Variants in MMD observed in about 807,000 individuals in gnomAD.
MMD encodes monocyte to macrophage differentiation associated.
In MMD, 22 loss-of-function variants were observed where a neutral mutation model predicts 33.6. The observed-to-expected ratio is 0.66, with a 90% CI of 0.47 to 0.94. MMD has a LOEUF of 0.94. Ranked by LOEUF, MMD falls within the 40% of genes least tolerant of loss-of-function variation. The pLI, the probability that MMD is intolerant of heterozygous loss-of-function variation, is 0.00. For synonymous variants in MMD, 97 were observed against 103.2 expected (o/e 0.94, Z 0.36); for missense variants, 242 against 309.8 (o/e 0.78, Z 1.64).
At chr17:55,407,699 CT>C (rs752522375) in intron 4 of MMD, 46 bp downstream of exon 4, 264 of 1,540,718 alleles carry the variant, frequency 1.7e-4, no homozygotes, top group Non-Finnish European at 2.3e-4. Flanking sequence ...GTGAGGAATT[CT>C]AATCATAAAA....
chr17:55,403,061 A>T (rs1907406715), intron 5 of MMD, among the ~76,000 whole-genome samples: 1 of 152,216 alleles, frequency 6.6e-6, no homozygotes, highest in Non-Finnish European at 1.5e-5. Flanking sequence ...GGGTAATAAA[A>T]AGAGCAATGG....
At chr17:55,407,253 C>T (rs992917241) in intron 4 of MMD, among the ~76,000 whole-genome samples, 1 of 150,640 alleles carries the variant, frequency 6.6e-6, no homozygotes, top group Non-Finnish European at 1.5e-5. Flanking sequence ...CTCTTAAACT[C>T]GGGAGGCAGA....
intron 2 of MMD, among the ~76,000 whole-genome samples, chr17:55,413,509 C>T (rs892283854): frequency 6.6e-6 from 1 of 151,724 alleles, no homozygotes; most frequent in African/African-American, 2.4e-5. Flanking sequence ...AGAAATGCAC[C>T]GAAGTGTTAA....
At chr17:55,409,448 G>A (rs1418497797) in intron 3 of MMD, among the ~76,000 whole-genome samples, 2 of 152,188 alleles carry the variant, frequency 1.3e-5, no homozygotes, top group East Asian at 3.8e-4. Flanking sequence ...TCCAAAATCT[G>A]CCACCGACCT....
At chr17:55,406,777 T>A (rs1025259932) in intron 4 of MMD, among the ~76,000 whole-genome samples, 1 of 152,090 alleles carries the variant, frequency 6.6e-6, no homozygotes, top group Non-Finnish European at 1.5e-5. Context: ...TCCCAGCTAC[T>A]TGGGAGAAAG....
chr17:55,414,714 C>T (rs1907905251), intron 1 of MMD, among the ~76,000 whole-genome samples: 1 of 152,034 alleles, frequency 6.6e-6, no homozygotes, highest in South Asian at 2.1e-4. Flanking sequence ...ATTTATAAAG[C>T]TTTATATAGG....
chr17:55,395,606 C>T (rs1289216341), intron 6 of MMD, among the ~76,000 whole-genome samples: 1 of 152,194 alleles, frequency 6.6e-6, no homozygotes, highest in Non-Finnish European at 1.5e-5. Flanking sequence ...GGATCTAGGG[C>T]CAGCTGTGAG....
intron 5 of MMD, among the ~76,000 whole-genome samples, chr17:55,402,095 AAAAAAAAAAGAAAAG>A (rs1395669853): frequency 6.6e-5 from 10 of 151,732 alleles, no homozygotes; most frequent in Non-Finnish European, 1.3e-4. Context: ...CTCAAAAAAA[AAAAAAAAAAGAAAAG>A]AAAAAAAAAA....
intron 6 of MMD, among the ~76,000 whole-genome samples, chr17:55,396,460 T>C (rs1316910497): frequency 6.6e-6 from 1 of 152,228 alleles, no homozygotes; most frequent in Non-Finnish European, 1.5e-5. Context: ...TGCTCTCTGT[T>C]TTCTATTTGG....
intron 1 of MMD, among the ~76,000 whole-genome samples, chr17:55,419,518 C>T (rs1029902558): frequency 6.6e-6 from 1 of 152,206 alleles, no homozygotes; most frequent in African/African-American, 2.4e-5. Flanking sequence ...GACAGTGTGT[C>T]TCTCCCTCCA....
intron 2 of MMD, among the ~76,000 whole-genome samples, chr17:55,413,489 A>G (rs1907844423): frequency 2.0e-5 from 3 of 152,240 alleles, no homozygotes; most frequent in Non-Finnish European, 4.4e-5. Context: ...ACACACAAAC[A>G]CACACACAAA....
chr17:55,400,971 C>T (rs372857100), intron 6 of MMD, among the ~76,000 whole-genome samples: 3 of 152,004 alleles, frequency 2.0e-5, no homozygotes, highest in East Asian at 3.9e-4. Flanking sequence ...AAAAAAAGTG[C>T]TTGACTTACG....
chr17:55,415,544 C>T (rs944648994), intron 1 of MMD, among the ~76,000 whole-genome samples: 11 of 152,158 alleles, frequency 7.2e-5, no homozygotes, highest in Non-Finnish European at 1.2e-4. Context: ...TTGGCTAAAA[C>T]GCATGACCAA....
chr17:55,403,288 G>T lies in MMD; in HGVS notation c.446+479C>A, dbSNP rs145118820. Among the ~76,000 whole-genome samples the T allele has an allele frequency of 2.0e-5, 3 of 152,182 alleles. No individual in the cohort carries two copies. The South Asian group carries it at 6.2e-4, about 32-fold the overall frequency. On this transcript the variant is annotated intron_variant, in intron 5 of 6. Coordinates refer to ENST00000262065, the MANE Select transcript of MMD (RefSeq NM_012329.3). Reference sequence around the variant, plus strand: ...TAACTGGCTAAAAAGCTGTGCCCTAGGGATAGGATATTAAGAGTTCCAATG... The same window carrying T: ...TAACTGGCTAAAAAGCTGTGCCCTATGGATAGGATATTAAGAGTTCCAATG...
intron 2 of MMD, among the ~76,000 whole-genome samples, chr17:55,411,903 T>G (rs1333248750): frequency 3.9e-5 from 6 of 151,974 alleles, no homozygotes; most frequent in Non-Finnish European, 7.4e-5. Context: ...ACAGCAAGAC[T>G]CTGTATCTAC....
intron 6 of MMD, among the ~76,000 whole-genome samples, chr17:55,397,375 G>T (rs1294330693): frequency 6.6e-6 from 1 of 152,020 alleles, no homozygotes; most frequent in Non-Finnish European, 1.5e-5. Flanking sequence ...CGGCTAGGCT[G>T]GTCTCGAACT....
At chr17:55,412,710 A>C (rs896238310) in intron 2 of MMD, among the ~76,000 whole-genome samples, 1 of 152,202 alleles carries the variant, frequency 6.6e-6, no homozygotes, top group Non-Finnish European at 1.5e-5. Flanking sequence ...GCCCAAGCAA[A>C]ATTAGAACAT....
At chr17:55,419,546 C>T (rs2143166491) in intron 1 of MMD, among the ~76,000 whole-genome samples, 1 of 152,274 alleles carries the variant, frequency 6.6e-6, no homozygotes. Flanking sequence ...TGCAATTTAC[C>T]TACCTGGGAA....
intron 2 of MMD, 57 bp downstream of exon 2, chr17:55,414,094 C>T (rs11659004): frequency 6.5e-7 from 1 of 1,531,752 alleles, no homozygotes; most frequent in Admixed American, 1.7e-5. Context: ...ATAACTACCC[C>T]TTCCTCCCAC....
Sources: gnomAD v4.1 joint callset for allele counts (sites outside exome capture counted in the v4.1 genomes callset) on GRCh38, gnomAD v4.1.1 for gene constraint, MANE v1.5 for transcripts, NCBI Gene and HGNC (gene_info 2026-07-23, HGNC 2026-07-21) for gene names.